KCNC2: variants seen among roughly 807,000 people sequenced by gnomAD.
KCNC2 encodes the protein potassium voltage-gated channel subfamily C member 2.
In KCNC2, 21 loss-of-function variants were observed where a neutral mutation model predicts 44.5. The ratio of observed to expected loss-of-function variants is 0.47; its 90% CI spans 0.33 to 0.68. The LOEUF is 0.68. Ranked by LOEUF, KCNC2 falls within the 30% of genes least tolerant of loss-of-function variation. The pLI, the probability that KCNC2 is intolerant of heterozygous loss-of-function variation, is 0.01. For synonymous variants in KCNC2, 391 were observed against 339.1 expected (o/e 1.15, Z -1.68); for missense variants, 589 against 826.2 (o/e 0.71, Z 3.52).
At chr12:75,111,542 T>A (rs1015878032) in intron 2 of KCNC2, among the ~76,000 whole-genome samples, 22 of 152,042 alleles carry the variant, frequency 1.4e-4, no homozygotes, top group African/African-American at 5.3e-4. Context: ...GTATCCTTTT[T>A]ACAAGGTGAT....
intron 2 of KCNC2, among the ~76,000 whole-genome samples, chr12:75,117,849 C>T (rs1887782175): frequency 6.6e-6 from 1 of 152,110 alleles, no homozygotes; most frequent in Non-Finnish European, 1.5e-5. Context: ...TAAAAGAATG[C>T]ATGCCATAAT....
chr12:75,152,151 A>C (rs1389007761), intron 2 of KCNC2, among the ~76,000 whole-genome samples: 1 of 150,760 alleles, frequency 6.6e-6, no homozygotes, highest in African/African-American at 2.4e-5. Context: ...AAAGAAATAC[A>C]GTAAGGCCAA....
At position 75,083,893 on chromosome 12, in the gene KCNC2, A is replaced by G. The variant is rs941318003; in HGVS notation, c.688-32576T>C. On this transcript the variant is annotated intron_variant, in intron 2 of 4. Coordinates refer to ENST00000549446, the MANE Select transcript of KCNC2 (RefSeq NM_139137.4). ...AACTCATAAATATCAAGATAAGTAA[A>G]AGAAAATAACTTTCAATAAACTCAA... Among the ~76,000 whole-genome samples the G allele has an allele frequency of 3.9e-5, 6 of 152,108 alleles. No homozygotes were observed. In the South Asian group the frequency reaches 1.2e-3, roughly 32 times the overall value.
intron 2 of KCNC2, among the ~76,000 whole-genome samples, chr12:75,185,323 T>C (rs1338995480): frequency 6.6e-6 from 1 of 152,168 alleles, no homozygotes; most frequent in African/African-American, 2.4e-5. Context: ...AATGCTATGG[T>C]TTGAAAGTGC....
At chr12:75,164,942 T>C (rs751797224) in intron 2 of KCNC2, among the ~76,000 whole-genome samples, 28 of 151,658 alleles carry the variant, frequency 1.8e-4, no homozygotes, top group Admixed American at 5.3e-4. Flanking sequence ...TACCAAAGTG[T>C]CCACCAACCT....
At chr12:75,139,309 T>G (rs1167780478) in intron 2 of KCNC2, among the ~76,000 whole-genome samples, 1 of 152,156 alleles carries the variant, frequency 6.6e-6, no homozygotes, top group Non-Finnish European at 1.5e-5. Flanking sequence ...GGAAAGGAAG[T>G]GAAAAAGAAT....
At chr12:75,206,672 C>G (rs532574627) in intron 2 of KCNC2, among the ~76,000 whole-genome samples, 7 of 152,186 alleles carry the variant, frequency 4.6e-5, no homozygotes, top group African/African-American at 1.7e-4. Context: ...GGTCAACTCA[C>G]GGAAACAATC....
At chr12:75,117,778 TATA>T (rs1376876063) in intron 2 of KCNC2, among the ~76,000 whole-genome samples, 1 of 152,152 alleles carries the variant, frequency 6.6e-6, no homozygotes, top group Non-Finnish European at 1.5e-5. Context: ...ATATGGAAAC[TATA>T]ATGCCTTCTT....
intron 2 of KCNC2, among the ~76,000 whole-genome samples, chr12:75,071,937 CAAAAAAAAAAAAAAAAAAAA>C (rs751849483): frequency 3.0e-5 from 2 of 67,360 alleles, no homozygotes; most frequent in Non-Finnish European, 5.1e-5. Flanking sequence ...GACTCCTTCT[CAAAAAAAAAAAAAAAAAAAA>C]AAAAAAAGAG....
In KCNC2 at chr12:75,043,416, G is replaced by A. The variant is rs1250514164; in HGVS notation, c.1781-175C>T. 8 of 1,369,622 alleles carry A rather than the reference G, an allele frequency of 5.8e-6. No individual in the cohort carries two copies. In the Admixed American group the frequency reaches 1.3e-4, roughly 22 times the overall value. The allele number at this position is 1,369,622 out of a possible 1,614,324, so 84.8% of individuals were successfully genotyped here. On this transcript the variant is annotated intron_variant, in intron 4 of 4. Coordinates refer to ENST00000549446, the MANE Select transcript of KCNC2 (RefSeq NM_139137.4). ...TAAAAAAATGAAGCTCACTGTAGTTGCCATTTTGAAAAGATTAAACCAGCC... is the reference window on the plus strand; with the variant it reads ...TAAAAAAATGAAGCTCACTGTAGTTACCATTTTGAAAAGATTAAACCAGCC...
chr12:75,064,948 T>C (rs968976088), intron 2 of KCNC2, among the ~76,000 whole-genome samples: 12 of 152,040 alleles, frequency 7.9e-5, no homozygotes, highest in Non-Finnish European at 2.9e-5. Context: ...TACATATGTG[T>C]GTGTGTAGCA....
chr12:75,103,977 T>A lies in KCNC2; in HGVS notation c.688-52660A>T, dbSNP rs563479417. 1.6e-4 allele frequency among the ~76,000 whole-genome samples: 25 copies of A among 152,222 alleles called. No homozygotes were observed. The East Asian group carries it at 3.5e-3, about 21-fold the overall frequency. On this transcript the variant is annotated intron_variant, in intron 2 of 4. Transcript: ENST00000549446. ...AGTGAGGTGAGTGACGTAGGTATTG[T>A]GGTGTGAGTGTTAGGCTACTATTCA... is the stretch of plus-strand genomic sequence containing the variant.
At chr12:75,071,653 C>T (rs184054969) in intron 2 of KCNC2, among the ~76,000 whole-genome samples, 13 of 152,162 alleles carry the variant, frequency 8.5e-5, no homozygotes, top group Admixed American at 5.9e-4. Flanking sequence ...TAACTCTTGA[C>T]GGAAGAATTA....
chr12:75,050,493 G>A lies in KCNC2; in HGVS notation c.1512C>T (p.Ser504=). 1 of 1,613,632 alleles carries A rather than the reference G, an allele frequency of 6.2e-7. No homozygotes were observed. The highest frequency in any genetic ancestry group is 1.3e-5 in the African/African-American group (1 of 74,986). ...ATTCTGTCTTGCAAAAAGTAGGTGA[G>A]CTTGCCTGAGGAGCAGGAGGGATGT... The part of the protein sequence containing the change: ...KKHIPPAPQA[S]SPTFCKTELN... Residue 504 remains serine, a synonymous_variant, in exon 3 of 5, where the codon AGC becomes AGT. Coordinates refer to ENST00000549446, the MANE Select transcript of KCNC2 (RefSeq NM_139137.4).
intron 2 of KCNC2, among the ~76,000 whole-genome samples, chr12:75,198,054 G>A (rs1388740956): frequency 6.6e-6 from 1 of 151,636 alleles, no homozygotes; most frequent in Non-Finnish European, 1.5e-5. Context: ...GAAAACATGA[G>A]GCAATTAATT....
chr12:75,183,023 G>A (rs899695274), intron 2 of KCNC2, among the ~76,000 whole-genome samples: 9 of 152,278 alleles, frequency 5.9e-5, no homozygotes, highest in African/African-American at 7.2e-5. Context: ...ATGGCCATCC[G>A]GCCCTTCTGT....
intron 2 of KCNC2, among the ~76,000 whole-genome samples, chr12:75,094,726 C>G (rs1041215518): frequency 6.6e-5 from 10 of 151,628 alleles, no homozygotes; most frequent in African/African-American, 1.9e-4. Flanking sequence ...TGAATCAGAG[C>G]TGATAAGGAT....
chr12:75,107,449 G>A (rs745616738), intron 2 of KCNC2, among the ~76,000 whole-genome samples: 13 of 151,898 alleles, frequency 8.6e-5, no homozygotes, highest in African/African-American at 2.2e-4. Context: ...ATTTTTCAGC[G>A]TCTATGTGTT....
chr12:75,144,787 G>A (rs1374851408), intron 2 of KCNC2, among the ~76,000 whole-genome samples: 1 of 151,896 alleles, frequency 6.6e-6, no homozygotes, highest in Non-Finnish European at 1.5e-5. Context: ...ATTCCAGTTG[G>A]TGTTCAAATT....
Sources: gnomAD v4.1 joint callset for allele counts (sites outside exome capture counted in the v4.1 genomes callset) on GRCh38, gnomAD v4.1.1 for gene constraint, MANE v1.5 for transcripts, NCBI Gene and HGNC (gene_info 2026-07-23, HGNC 2026-07-21) for gene names.